DCC: variants seen among roughly 807,000 people sequenced by gnomAD.
DCC encodes netrin receptor DCC.
In DCC, 58 loss-of-function variants were observed where a neutral mutation model predicts 172.5. That is an observed-to-expected ratio of 0.34 (90% CI 0.27 to 0.42). The LOEUF (loss-of-function observed/expected upper bound fraction) is 0.42. DCC is among the 10% of genes least tolerant of loss of function. DCC has a pLI of 1.00. For missense variants in DCC, 1,740 were observed against 1,791.0 expected (o/e 0.97, Z 0.51); for synonymous variants, 709 against 644.5 (o/e 1.10, Z -1.52).
At chr18:53,522,431 G>A (rs1244266988) in intron 27 of DCC, among the ~76,000 whole-genome samples, 2 of 151,968 alleles carry the variant, frequency 1.3e-5, no homozygotes, top group African/African-American at 4.8e-5. Context: ...TGAATTTCAT[G>A]TGGAACCAAA....
chr18:53,236,088 C>T (rs1335157355), intron 12 of DCC, among the ~76,000 whole-genome samples: 1 of 152,020 alleles, frequency 6.6e-6, no homozygotes, highest in Non-Finnish European at 1.5e-5. Context: ...AACTTTGTCT[C>T]GTGTAGATAT....
At chr18:52,775,250 T>TG (rs2037408965) in intron 2 of DCC, among the ~76,000 whole-genome samples, 1 of 152,054 alleles carries the variant, frequency 6.6e-6, no homozygotes, top group African/African-American at 2.4e-5. Context: ...AGCATACAGA[T>TG]GGGCAGGCTA....
At chr18:53,395,756 T>A (rs1908890496) in intron 17 of DCC, among the ~76,000 whole-genome samples, 2 of 152,142 alleles carry the variant, frequency 1.3e-5, no homozygotes, top group Non-Finnish European at 2.9e-5. Flanking sequence ...AATTCTCCTG[T>A]CTCAGCCTCC....
At chr18:53,206,622 A>G (rs923005021) in intron 10 of DCC, among the ~76,000 whole-genome samples, 1 of 146,358 alleles carries the variant, frequency 6.8e-6, no homozygotes, top group Admixed American at 7.0e-5. Flanking sequence ...TATAATATAT[A>G]ATACATATAT....
chr18:52,743,171 C>G (rs2036849888), intron 1 of DCC, among the ~76,000 whole-genome samples: 1 of 152,190 alleles, frequency 6.6e-6, no homozygotes, highest in Non-Finnish European at 1.5e-5. Context: ...ATCTCATGCA[C>G]TGGGTACTCC....
chr18:52,806,906 C>T (rs1399624273), intron 2 of DCC, among the ~76,000 whole-genome samples: 1 of 152,100 alleles, frequency 6.6e-6, no homozygotes, highest in African/African-American at 2.4e-5. Flanking sequence ...TAAAGATATG[C>T]AGAGTTGGTT....
intron 7 of DCC, among the ~76,000 whole-genome samples, chr18:53,130,162 A>T (rs1328307248): frequency 2.0e-5 from 3 of 152,140 alleles, no homozygotes; most frequent in Admixed American, 6.6e-5. Flanking sequence ...CATATTTAAA[A>T]GTGAAGCACT....
intron 2 of DCC, among the ~76,000 whole-genome samples, chr18:52,854,491 G>A (rs2039021775): frequency 6.6e-6 from 1 of 152,160 alleles, no homozygotes; most frequent in Non-Finnish European, 1.5e-5. Flanking sequence ...TGAAGATTGT[G>A]TGGACTTCCC....
At chr18:53,520,442 A>C (rs1320000462) in intron 27 of DCC, among the ~76,000 whole-genome samples, 1 of 152,128 alleles carries the variant, frequency 6.6e-6, no homozygotes, top group Admixed American at 6.6e-5. Flanking sequence ...GAGAATTTAG[A>C]CACACGGGAA....
chr18:53,059,836 T>G (rs59267432), intron 5 of DCC, among the ~76,000 whole-genome samples: 4,992 of 152,222 alleles, frequency 0.033, 281 homozygotes, highest in African/African-American at 0.11. Flanking sequence ...CTTGAGTTTT[T>G]TATTGGCATC....
chr18:52,775,833 G>T (rs558212743), intron 2 of DCC, among the ~76,000 whole-genome samples: 2 of 152,224 alleles, frequency 1.3e-5, no homozygotes, highest in Non-Finnish European at 2.9e-5. Context: ...CAACATTTGG[G>T]TGTGAAAGTA....
intron 3 of DCC, among the ~76,000 whole-genome samples, chr18:52,919,068 C>T (rs574889336): frequency 4.6e-5 from 7 of 152,138 alleles, no homozygotes; most frequent in Non-Finnish European, 1.0e-4. Context: ...CTCACATGCC[C>T]GACAGCTAGT....
At chr18:52,794,844 AGAGGTATT>A (rs1243491393) in intron 2 of DCC, among the ~76,000 whole-genome samples, 1 of 151,904 alleles carries the variant, frequency 6.6e-6, no homozygotes, top group Non-Finnish European at 1.5e-5. Flanking sequence ...TTTGTCATGA[AGAGGTATT>A]GAATTTTATC....
At chr18:53,338,772 T>G (rs930448682) in intron 14 of DCC, among the ~76,000 whole-genome samples, 4 of 152,240 alleles carry the variant, frequency 2.6e-5, no homozygotes, top group Non-Finnish European at 5.9e-5. Context: ...CAGGGTGGCA[T>G]GCACATTCTC....
chr18:52,821,808 T>C (rs891168093), intron 2 of DCC, among the ~76,000 whole-genome samples: 16 of 152,244 alleles, frequency 1.1e-4, no homozygotes, highest in African/African-American at 3.6e-4. Context: ...TGGTCTTGTA[T>C]CTTGTTTTGT....
chr18:53,030,199 C>G (rs962893617), intron 5 of DCC, among the ~76,000 whole-genome samples: 4 of 152,316 alleles, frequency 2.6e-5, no homozygotes, highest in African/African-American at 7.2e-5. Flanking sequence ...TATTATCCCC[C>G]CATTCCACCC....
intron 5 of DCC, among the ~76,000 whole-genome samples, chr18:53,011,665 T>C (rs2041732852): frequency 1.3e-5 from 2 of 151,868 alleles, no homozygotes; most frequent in Non-Finnish European, 1.5e-5. Context: ...TAGAGAAACA[T>C]GCAGTTTAAT....
chr18:52,776,097 A>C (rs1214273125), intron 2 of DCC, among the ~76,000 whole-genome samples: 1 of 152,208 alleles, frequency 6.6e-6, no homozygotes, highest in Non-Finnish European at 1.5e-5. Context: ...ACTTAATATA[A>C]ATTTACAACA....
At chr18:52,884,210 C>A (rs901804571) in intron 2 of DCC, among the ~76,000 whole-genome samples, 45 of 151,970 alleles carry the variant, frequency 3.0e-4, no homozygotes, top group Non-Finnish European at 2.6e-4. Flanking sequence ...GCTCAATAAA[C>A]CTTCTTGTGC....
Sources: gnomAD v4.1 joint callset for allele counts (sites outside exome capture counted in the v4.1 genomes callset) on GRCh38, gnomAD v4.1.1 for gene constraint, MANE v1.5 for transcripts, NCBI Gene and HGNC (gene_info 2026-07-23, HGNC 2026-07-21) for gene names.